The following THSD7B variants were observed in gnomAD, a reference collection of about 807,000 sequenced individuals.
THSD7B encodes thrombospondin type-1 domain-containing protein 7B.
THSD7B carries 138 observed loss-of-function variants against 213.6 expected under a neutral mutation model. The ratio of observed to expected loss-of-function variants is 0.65; its 90% CI spans 0.56 to 0.74. THSD7B has a LOEUF of 0.74. THSD7B is among the 30% of genes least tolerant of loss of function. THSD7B has a pLI of 0.00. For missense variants in THSD7B, 1,931 were observed against 1,991.5 expected, an observed-to-expected ratio of 0.97 and a Z score of 0.58; for synonymous variants, 742 against 687.0, an observed-to-expected ratio of 1.08 and a Z score of -1.25.
At chr2:137,036,238 A>G (rs1686771843) in intron 2 of THSD7B, among the ~76,000 whole-genome samples, 1 of 152,172 alleles carries the variant, frequency 6.6e-6, no homozygotes, top group African/African-American at 2.4e-5. Flanking sequence ...TTTGAAAGGT[A>G]ATCTTCATTT....
At chr2:136,970,887 T>C (rs1300217082) in intron 2 of THSD7B, among the ~76,000 whole-genome samples, 4 of 152,350 alleles carry the variant, frequency 2.6e-5, no homozygotes, top group Admixed American at 6.5e-5. Flanking sequence ...TTGGAATCTA[T>C]ATAGCATTAT....
chr2:137,182,629 T>C (rs1680476642), intron 7 of THSD7B, among the ~76,000 whole-genome samples: 1 of 152,190 alleles, frequency 6.6e-6, no homozygotes, highest in Non-Finnish European at 1.5e-5. Context: ...AAATCAAACA[T>C]ACTCGCCCAT....
intron 2 of THSD7B, among the ~76,000 whole-genome samples, chr2:136,947,552 G>A (rs1294615048): frequency 6.6e-6 from 1 of 152,090 alleles, no homozygotes; most frequent in Non-Finnish European, 1.5e-5. Context: ...GATGATAGAC[G>A]ACCCTGACCA....
intron 13 of THSD7B, among the ~76,000 whole-genome samples, chr2:137,406,182 C>G (rs1398078639): frequency 6.6e-6 from 1 of 152,130 alleles, no homozygotes; most frequent in Non-Finnish European, 1.5e-5. Flanking sequence ...GGAAGATTAT[C>G]AAAAACAGAT....
intron 1 of THSD7B, among the ~76,000 whole-genome samples, chr2:136,845,727 G>C (rs1379611641): frequency 6.6e-6 from 1 of 152,160 alleles, no homozygotes; most frequent in Non-Finnish European, 1.5e-5. Flanking sequence ...AGGAGTGGCG[G>C]TAGTATACTA....
intron 15 of THSD7B, among the ~76,000 whole-genome samples, chr2:137,451,332 G>GTA (rs954791088): frequency 2.6e-4 from 40 of 151,154 alleles, no homozygotes; most frequent in East Asian, 1.9e-3. Context: ...ATATATGTGT[G>GTA]TATATATATA....
chr2:137,537,227 T>A (rs950884494), intron 15 of THSD7B, among the ~76,000 whole-genome samples: 3 of 151,802 alleles, frequency 2.0e-5, no homozygotes, highest in Non-Finnish European at 4.4e-5. Flanking sequence ...AATTATCATG[T>A]GAACATTGTT....
At position 137,123,061 on chromosome 2, in the gene THSD7B, C is replaced by A. The variant is rs537569227; in HGVS notation, c.1369+7768C>A. ...GAAAATTGCTTATACTGAATTCAAG[C>A]TTTGTGAACCTTCTCACCCTCCTTT... On this transcript the variant is annotated intron_variant, in intron 5 of 27. Coordinates refer to ENST00000409968, the MANE Select transcript of THSD7B (RefSeq NM_001316349.2). Among the ~76,000 whole-genome samples, 119 of 152,292 alleles carry A rather than the reference C, an allele frequency of 7.8e-4. 2 individuals carry two copies. The highest frequency in any genetic ancestry group is 2.8e-3 in the African/African-American group (116 of 41,550).
At chr2:137,358,811 T>C (rs990098169) in intron 12 of THSD7B, among the ~76,000 whole-genome samples, 1 of 152,176 alleles carries the variant, frequency 6.6e-6, no homozygotes, top group African/African-American at 2.4e-5. Context: ...AATGGCTATT[T>C]CACCATGGCT....
intron 2 of THSD7B, among the ~76,000 whole-genome samples, chr2:136,890,864 T>A (rs903853250): frequency 3.9e-5 from 6 of 151,916 alleles, no homozygotes; most frequent in Non-Finnish European, 8.8e-5. Context: ...CTGAGATTTT[T>A]TTTTTATGCA....
chr2:136,774,366 A>T (rs1288184588), intron 1 of THSD7B, among the ~76,000 whole-genome samples: 2 of 152,058 alleles, frequency 1.3e-5, no homozygotes, highest in Non-Finnish European at 1.5e-5. Flanking sequence ...GGTAGATTTG[A>T]TTCATTCCCT....
At chr2:137,171,609 A>T (rs1377907885) in intron 7 of THSD7B, among the ~76,000 whole-genome samples, 2 of 152,230 alleles carry the variant, frequency 1.3e-5, no homozygotes, top group Non-Finnish European at 2.9e-5. Context: ...AACTTGAAAA[A>T]AATTTCAGTA....
At chr2:137,205,713 A>C (rs909671236) in intron 7 of THSD7B, among the ~76,000 whole-genome samples, 4 of 152,028 alleles carry the variant, frequency 2.6e-5, no homozygotes. Flanking sequence ...CCATATTTAA[A>C]GGTTCTCAGC....
At chr2:136,831,443 CTAA>C (rs1682753885) in intron 1 of THSD7B, among the ~76,000 whole-genome samples, 2 of 152,156 alleles carry the variant, frequency 1.3e-5, no homozygotes, top group Non-Finnish European at 2.9e-5. Flanking sequence ...GAGTTCCAAC[CTAA>C]TCATCTGGCT....
intron 3 of THSD7B, among the ~76,000 whole-genome samples, chr2:137,094,622 T>A (rs6430679): frequency 0.29 from 43,439 of 151,756 alleles, 9,273 homozygotes; most frequent in African/African-American, 0.59. Flanking sequence ...GATAATACTG[T>A]TAAAAGTGGA....
intron 5 of THSD7B, among the ~76,000 whole-genome samples, chr2:137,154,260 C>T (rs183353712): frequency 5.3e-5 from 8 of 152,100 alleles, no homozygotes; most frequent in Admixed American, 2.0e-4. Context: ...TATCTTGTGA[C>T]GAATTCCTCT....
intron 10 of THSD7B, among the ~76,000 whole-genome samples, chr2:137,269,119 C>G (rs1379880321): frequency 6.6e-6 from 1 of 152,110 alleles, no homozygotes; most frequent in Non-Finnish European, 1.5e-5. Context: ...GTTTCCCTAG[C>G]TTAAGATCCT....
At chr2:137,311,835 C>G (rs1274652562) in intron 12 of THSD7B, among the ~76,000 whole-genome samples, 4 of 147,532 alleles carry the variant, frequency 2.7e-5, no homozygotes, top group African/African-American at 1.0e-4. Context: ...TTGAACCAGC[C>G]TTGCATCCCA....
At chr2:137,245,831 T>C (rs2105068442) in intron 10 of THSD7B, among the ~76,000 whole-genome samples, 1 of 152,248 alleles carries the variant, frequency 6.6e-6, no homozygotes, top group African/African-American at 2.4e-5. Flanking sequence ...AACAGACTTT[T>C]TGGGAAATGG....
Sources: gnomAD v4.1 joint callset for allele counts (sites outside exome capture counted in the v4.1 genomes callset) on GRCh38, gnomAD v4.1.1 for gene constraint, MANE v1.5 for transcripts, NCBI Gene and HGNC (gene_info 2026-07-23, HGNC 2026-07-21) for gene names.